HUWE1: variants seen among roughly 807,000 people sequenced by gnomAD.
The protein encoded by HUWE1 is E3 ubiquitin-protein ligase HUWE1.
A neutral mutation model predicts 299.4 loss-of-function variants in HUWE1; 18 were observed. The observed-to-expected ratio is 0.06, with a 90% CI of 0.04 to 0.09. The LOEUF is 0.09. HUWE1 is among the 10% of genes least tolerant of loss of function. The probability of loss-of-function intolerance (pLI) is 1.00; values close to 1 mark genes in which losing one functional copy is unlikely to be tolerated. For synonymous variants in HUWE1, 1,317 were observed against 1,286.1 expected (o/e 1.02, Z -0.51); for missense variants, 1,832 against 3,462.3 (o/e 0.53, Z 11.82).
At chrX:53,617,926 T>G (rs935072304) in intron 19 of HUWE1, among the ~76,000 whole-genome samples, 6 of 112,454 alleles carry the variant, frequency 5.3e-5, no homozygotes, top group Non-Finnish European at 9.4e-5. Context: ...CAAGCTTTAC[T>G]GATGAAAATA....
intron 72 of HUWE1, 68 bp from the exon 73 acceptor site, chrX:53,544,036 T>C (rs907914150): frequency 1.2e-5 from 12 of 981,596 alleles, no homozygotes; most frequent in Non-Finnish European, 1.7e-5. Context: ...ATATTCTCTC[T>C]CCTATCTCCT....
At chrX:53,575,515 C>T in intron 45 of HUWE1, 128 bp downstream of exon 45, 2 of 775,573 alleles carry the variant, frequency 2.6e-6, no homozygotes, top group Non-Finnish European at 3.8e-6. Flanking sequence ...TCTTTACAGG[C>T]AACAGATAAT....
Position 53,665,143 on chromosome X carries a change from C to T in HUWE1, c.-24-11012G>A, listed in dbSNP as rs781918656. Among the ~76,000 whole-genome samples, 28 of 111,293 alleles carry T rather than the reference C, an allele frequency of 2.5e-4. No individual in the cohort carries two copies. In the South Asian group the frequency reaches 5.3e-3, roughly 21 times the overall value. ...CATAATGTCTATATGCACAGCCCAC[C>T]TTGCTACGCCCCTCTCCTACAGACA... On this transcript the variant is annotated intron_variant, in intron 3 of 83. Coordinates refer to ENST00000262854, the MANE Select transcript of HUWE1 (RefSeq NM_031407.7).
intron 23 of HUWE1, among the ~76,000 whole-genome samples, chrX:53,610,952 C>A (rs2065421689): frequency 9.0e-6 from 1 of 110,737 alleles, no homozygotes; most frequent in African/African-American, 3.3e-5. Flanking sequence ...TAAGTATATT[C>A]ATCCCCAGCA....
intron 17 of HUWE1, chrX:53,626,108 A>C: frequency 2.9e-6 from 1 of 341,281 alleles, no homozygotes; most frequent in Non-Finnish European, 5.7e-6. Flanking sequence ...TGTTTGAGAA[A>C]ATTTCTTCCA....
intron 16 of HUWE1, 46 bp downstream of exon 16, chrX:53,627,693 C>A: frequency 8.9e-7 from 1 of 1,119,601 alleles, no homozygotes; most frequent in Non-Finnish European, 1.2e-6. Flanking sequence ...TTAGGTTCAG[C>A]TCTGAGTATT....
At chrX:53,627,985 C>G in intron 15 of HUWE1, 106 bp from the exon 16 acceptor site, 1 of 692,074 alleles carries the variant, frequency 1.4e-6, no homozygotes. Flanking sequence ...TAAGGCAGCA[C>G]AGTATGGGGG....
intron 31 of HUWE1, among the ~76,000 whole-genome samples, chrX:53,593,918 G>A (rs1176193987): frequency 9.0e-6 from 1 of 110,764 alleles, no homozygotes; most frequent in Non-Finnish European, 1.9e-5. Context: ...CTAACACAGT[G>A]AAACCTCGTC....
intron 12 of HUWE1, among the ~76,000 whole-genome samples, chrX:53,630,504 T>C (rs2149048831): frequency 9.0e-6 from 1 of 110,888 alleles, no homozygotes; most frequent in Non-Finnish European, 1.9e-5. Context: ...AACCACGTGT[T>C]TTCCATTTTA....
intron 2 of HUWE1, among the ~76,000 whole-genome samples, chrX:53,681,207 G>A (rs924894232): frequency 4.5e-5 from 5 of 110,418 alleles, no homozygotes; most frequent in Non-Finnish European, 9.5e-5. Flanking sequence ...AGGCCGAGGC[G>A]GGCGGATCAC....
At chrX:53,623,546 A>G (rs976907394) in intron 19 of HUWE1, among the ~76,000 whole-genome samples, 3 of 111,763 alleles carry the variant, frequency 2.7e-5, no homozygotes, top group African/African-American at 9.8e-5. Flanking sequence ...TAATGGTGAA[A>G]TATTAAATGC....
rs782190122 is a variant in HUWE1 at position 53,533,992 on chromosome X, A to G, written c.13022+15T>C. 6.7e-6 allele frequency: 8 copies of G among 1,198,169 alleles called. No individual in the cohort carries two copies. In the African/African-American group the frequency reaches 1.4e-4, roughly 21 times the overall value. On this transcript the variant is annotated intron_variant, in intron 83 of 83. Coordinates refer to ENST00000262854, the MANE Select transcript of HUWE1 (RefSeq NM_031407.7). The stretch of plus-strand genomic sequence containing the variant: ...ACCTAAGCACTGAAAAGGAGAAACA[A>G]ACCCTTCCTTTTACCATGTGTGAGC...
chrX:53,631,353 A>C, intron 11 of HUWE1, 61 bp downstream of exon 11: 1 of 890,151 alleles, frequency 1.1e-6, no homozygotes, highest in Non-Finnish European at 1.6e-6. Context: ...ACCCCAGTAC[A>C]TATCATTAAT....
intron 63 of HUWE1, among the ~76,000 whole-genome samples, chrX:53,551,988 G>A (rs1218355279): frequency 9.0e-6 from 1 of 111,628 alleles, no homozygotes; most frequent in Middle Eastern, 4.2e-3. Flanking sequence ...TGCATGCACT[G>A]TTACTTACCC....
Position 53,578,463 on chromosome X carries a change from G to A in HUWE1, c.5717-1396C>T, listed in dbSNP as rs1321646641. On this transcript the variant is annotated intron_variant, in intron 43 of 83. Coordinates refer to ENST00000262854, the MANE Select transcript of HUWE1 (RefSeq NM_031407.7). ...GAGGAGCCCCTCTGCCCGGCCAGTCGCCCCGTCCAGGAGGGAGGTGGGGGG... is the reference window on the plus strand; with the variant it reads ...GAGGAGCCCCTCTGCCCGGCCAGTCACCCCGTCCAGGAGGGAGGTGGGGGG... Among the ~76,000 whole-genome samples the A allele has an allele frequency of 1.4e-4, 13 of 92,426 alleles. No individual in the cohort carries two copies. The Admixed American group carries it at 1.4e-3, about 10-fold the overall frequency. The allele number at this position is 92,426 out of a possible 115,157, so 80.3% of individuals were successfully genotyped here.
rs187690604 is a variant in HUWE1 at position 53,643,763 on chromosome X, A to G, written c.504+1548T>C. 4.4e-5 allele frequency among the ~76,000 whole-genome samples: 5 copies of G among 112,442 alleles called. No individual in the cohort carries two copies. In the East Asian group the frequency reaches 1.4e-3, roughly 31 times the overall value. ...CTTTTACTAGTTATAATAATTTTAC[A>G]TTATCTCCCCAAGAAACAAAGAGAC... is the stretch of plus-strand genomic sequence containing the variant. On this transcript the variant is annotated intron_variant, in intron 7 of 83. Coordinates refer to ENST00000262854, the MANE Select transcript of HUWE1 (RefSeq NM_031407.7).
At chrX:53,586,703 T>C in intron 38 of HUWE1, 79 bp downstream of exon 38, 1 of 1,162,432 alleles carries the variant, frequency 8.6e-7, no homozygotes, top group Non-Finnish European at 1.2e-6. Context: ...GCCCCATACA[T>C]GCCCCAGAAG....
chrX:53,557,559 T>G (rs1361257403), intron 59 of HUWE1, 132 bp from the exon 60 acceptor site: 2 of 542,170 alleles, frequency 3.7e-6, no homozygotes, highest in Non-Finnish European at 6.5e-6. Flanking sequence ...TTTGGCCATG[T>G]GACCAAAGGA....
In HUWE1 at chrX:53,537,526, G is replaced by T. The variant is rs781956661; in HGVS notation, c.12137+30C>A. 2.5e-6 allele frequency: 3 copies of T among 1,203,058 alleles called. No homozygotes were observed. In the Admixed American group the frequency reaches 6.6e-5, roughly 26 times the overall value. On this transcript the variant is annotated intron_variant, in intron 78 of 83. Transcript: ENST00000262854. ...GTGCAGGAGGCCCCACCTCCCACCC[G>T]CCATCTTTTCTCCGTTCCTGGGCCC...
Sources: gnomAD v4.1 joint callset for allele counts (sites outside exome capture counted in the v4.1 genomes callset) on GRCh38, gnomAD v4.1.1 for gene constraint, MANE v1.5 for transcripts, NCBI Gene and HGNC (gene_info 2026-07-23, HGNC 2026-07-21) for gene names.